The following MRPL18 variants were observed in gnomAD, a reference collection of about 807,000 sequenced individuals.
MRPL18 encodes the protein mitochondrial ribosomal protein L18, also known as large ribosomal subunit protein uL18m.
A neutral mutation model predicts 20.9 loss-of-function variants in MRPL18; 16 were observed. The ratio of observed to expected loss-of-function variants is 0.76; its 90% CI spans 0.52 to 1.16. The LOEUF (loss-of-function observed/expected upper bound fraction) is 1.16, where lower values mean the gene tolerates loss of function less well. Among genes scored for constraint, MRPL18 ranks in the 50% most tolerant of loss-of-function variants. The pLI is 0.00. For missense variants in MRPL18, 233 were observed against 230.6 expected, an observed-to-expected ratio of 1.01 and a Z score of -0.07; for synonymous variants, 91 against 87.1, an observed-to-expected ratio of 1.04 and a Z score of -0.25.
chr6:159,790,520 G>A lies in MRPL18; in HGVS notation c.-68G>A. On this transcript the variant is annotated 5_prime_UTR_variant, in exon 1 of 4. Transcript: ENST00000367034. ...GGCTTGTCCCTGACTTTATATGGCT[G>A]CTCCTGGCGAGCGACTGAGTCGTCC... The A allele has an allele frequency of 1.9e-6, 3 of 1,607,182 alleles. No homozygotes were observed. Among genetic ancestry groups the A allele is most frequent in the South Asian group, 2.2e-5 (2 of 90,916 alleles).
chr6:159,793,969 G>T lies in MRPL18; in HGVS notation c.239+2843G>T, dbSNP rs1352005052. On this transcript the variant is annotated intron_variant, in intron 2 of 3. Coordinates refer to ENST00000367034, the MANE Select transcript of MRPL18 (RefSeq NM_014161.5). Reference sequence around the variant, plus strand: ...AGAGCCACCAGGAAAACCAGGAGTAGACTCCATATTTCCAAATCTAATGCC... The same window carrying T: ...AGAGCCACCAGGAAAACCAGGAGTATACTCCATATTTCCAAATCTAATGCC... 2.0e-5 allele frequency among the ~76,000 whole-genome samples: 3 copies of T among 152,036 alleles called. No individual in the cohort carries two copies. The East Asian group carries it at 5.8e-4, about 29-fold the overall frequency.
chr6:159,794,468 T>C (rs560816250), intron 2 of MRPL18, among the ~76,000 whole-genome samples: 3 of 152,370 alleles, frequency 2.0e-5, no homozygotes, highest in Admixed American at 2.0e-4. Flanking sequence ...GCCTGGCATA[T>C]ACTAAGTGCT....
chr6:159,790,866 A>G, intron 1 of MRPL18, 74 bp from the exon 2 acceptor site: 1 of 1,556,484 alleles, frequency 6.4e-7, no homozygotes, highest in Non-Finnish European at 8.7e-7. Flanking sequence ...AAAAGCGGAT[A>G]GACGTTAGAG....
chr6:159,796,526 G>A (rs1781033164), intron 2 of MRPL18, among the ~76,000 whole-genome samples: 1 of 151,730 alleles, frequency 6.6e-6, no homozygotes, highest in African/African-American at 2.4e-5. Flanking sequence ...AGTGGCTCAT[G>A]CCTGTAATCC....
intron 2 of MRPL18, among the ~76,000 whole-genome samples, chr6:159,795,718 A>C (rs1781014883): frequency 6.6e-6 from 1 of 152,176 alleles, no homozygotes; most frequent in Non-Finnish European, 1.5e-5. Context: ...TTTTCTTGTT[A>C]ATTATAGGAG....
intron 2 of MRPL18, among the ~76,000 whole-genome samples, chr6:159,795,458 C>G (rs1015163245): frequency 1.5e-4 from 14 of 92,940 alleles, no homozygotes; most frequent in East Asian, 1.1e-3. Flanking sequence ...TGACTCTTAA[C>G]GAGCATGCTG....
chr6:159,791,402 C>T (rs1780894813), intron 2 of MRPL18, among the ~76,000 whole-genome samples: 1 of 152,130 alleles, frequency 6.6e-6, no homozygotes, highest in African/African-American at 2.4e-5. Flanking sequence ...GCAGTCCTAG[C>T]AAAGGAAACT....
At chr6:159,790,138 G>A (rs547021743), upstream of MRPL18, 1 of 204,440 alleles carries the variant, frequency 4.9e-6, no homozygotes, top group African/African-American at 2.3e-5. Flanking sequence ...TTGGTTCGAG[G>A]AAGACAACCA....
intron 2 of MRPL18, among the ~76,000 whole-genome samples, chr6:159,796,676 T>TGG (rs990595597): frequency 4.6e-5 from 7 of 152,160 alleles, no homozygotes; most frequent in African/African-American, 1.4e-4. Context: ...GCCAACTACT[T>TGG]GGGAGACTAA....
chr6:159,795,657 C>T lies in MRPL18; in HGVS notation c.240-1630C>T, dbSNP rs1049156094. Among the ~76,000 whole-genome samples the T allele has an allele frequency of 7.9e-5, 12 of 152,322 alleles. No individual in the cohort carries two copies. The East Asian group carries it at 1.9e-3, about 24-fold the overall frequency. On this transcript the variant is annotated intron_variant, in intron 2 of 3. Transcript: ENST00000367034. ...AGTCTCCTATGTCTACTTCTTTCTA[C>T]ACAGACAGTAACAATCTGATCTCTT...
chr6:159,790,935 C>G lies in MRPL18; in HGVS notation c.53-5C>G, dbSNP rs549977150. The stretch of plus-strand genomic sequence containing the variant: ...AAGCCCTGTGCGGTTTTTCCCGTTG[C>G]CCAGGGTGCAGGTTCGCAGCCCTGT... On this transcript the variant is annotated splice_region_variant and splice_polypyrimidine_tract_variant and intron_variant, in intron 1 of 3. Coordinates refer to ENST00000367034, the MANE Select transcript of MRPL18 (RefSeq NM_014161.5). 1.2e-6 allele frequency: 2 copies of G among 1,613,828 alleles called. No homozygotes were observed. Among genetic ancestry groups the G allele is most frequent in the Non-Finnish European group, 8.5e-7 (1 of 1,179,932 alleles).
chr6:159,790,639 G>A lies in MRPL18; in HGVS notation c.52G>A (p.Gly18Arg), dbSNP rs1780852894. ...GTTGTTCTCGGTTTGCAGGAACCCT[G>A]GTAATTAGTCTTGCCCCCCTTCTCC... Reference protein sequence around the residue: ...WGLFSVCRNPGCRFAALSTSS... With the variant: ...WGLFSVCRNPRCRFAALSTSS... Residue 18 changes from glycine to arginine, a missense_variant and splice_region_variant, in exon 1 of 4, where the codon GGG becomes AGG. Gly to Arg is a moderately radical substitution (Grantham distance 125). Transcript: ENST00000367034. 1 of 1,613,916 alleles carries A rather than the reference G, an allele frequency of 6.2e-7. No homozygotes were observed. Among genetic ancestry groups the A allele is most frequent in the Non-Finnish European group, 8.5e-7 (1 of 1,179,986 alleles).
chr6:159,794,905 T>C (rs1362410206), intron 2 of MRPL18, among the ~76,000 whole-genome samples: 1 of 152,222 alleles, frequency 6.6e-6, no homozygotes, highest in Non-Finnish European at 1.5e-5. Flanking sequence ...TTAGTATTTA[T>C]TGATCATTCG....
Position 159,797,521 on chromosome 6 carries a change from A to G in MRPL18, c.471+3A>G. ...CGTGGGAGGCAGCCTCAGACTCGGT[A>G]TTTTTGTTTTCATGTACTTATTGAA... On this transcript the variant is annotated splice_donor_region_variant and intron_variant, in intron 3 of 3. Transcript: ENST00000367034. 2 of 1,612,824 alleles carry G rather than the reference A, an allele frequency of 1.2e-6. No homozygotes were observed. Among genetic ancestry groups the G allele is most frequent in the East Asian group, 4.5e-5 (2 of 44,862 alleles).
At chr6:159,793,805 G>T (rs1780966977) in intron 2 of MRPL18, among the ~76,000 whole-genome samples, 1 of 152,112 alleles carries the variant, frequency 6.6e-6, no homozygotes, top group African/African-American at 2.4e-5. Context: ...CCAGCTACTA[G>T]GGAGGCTGAG....
intron 1 of MRPL18, 95 bp downstream of exon 1, chr6:159,790,734 A>G: frequency 3.3e-6 from 5 of 1,536,480 alleles, no homozygotes; most frequent in Admixed American, 3.6e-5. Flanking sequence ...GACGTGCCGG[A>G]TCGAAATAGA....
intron 2 of MRPL18, 80 bp downstream of exon 2, chr6:159,791,206 C>G: frequency 6.6e-7 from 1 of 1,521,414 alleles, no homozygotes; most frequent in Non-Finnish European, 8.9e-7. Context: ...GGCACTCTCC[C>G]AGGTAGCTGC....
intron 2 of MRPL18, among the ~76,000 whole-genome samples, chr6:159,793,647 C>T (rs986583997): frequency 4.6e-5 from 7 of 152,164 alleles, no homozygotes; most frequent in South Asian, 2.1e-4. Flanking sequence ...CGGTGGCTCA[C>T]GTTTGTAATC....
intron 1 of MRPL18, 36 bp downstream of exon 1, chr6:159,790,675 G>A (rs1378072241): frequency 1.2e-6 from 2 of 1,610,846 alleles, no homozygotes; most frequent in Admixed American, 3.3e-5. Context: ...CAGCTCACTC[G>A]CCTGGGCTTG....
Sources: allele counts gnomAD v4.1 joint callset (sites outside exome capture counted in the v4.1 genomes callset), GRCh38; gene constraint gnomAD v4.1.1; transcripts MANE v1.5; gene names NCBI Gene and HGNC (gene_info 2026-07-23, HGNC 2026-07-21).